Variants in ADAM18 observed in about 807,000 individuals in gnomAD.
ADAM18 encodes the protein ADAM metallopeptidase domain 18.
In ADAM18, 117 loss-of-function variants were observed where a neutral mutation model predicts 94.4. The observed-to-expected ratio is 1.24, with a 90% CI of 1.07 to 1.45. ADAM18 has a LOEUF of 1.45. Among genes scored for constraint, ADAM18 ranks in the 40% most tolerant of loss-of-function variants. ADAM18 has a pLI of 0.00. For missense variants in ADAM18, 936 were observed against 880.0 expected, an observed-to-expected ratio of 1.06 and a Z score of -0.81; for synonymous variants, 327 against 291.6, an observed-to-expected ratio of 1.12 and a Z score of -1.24.
intron 18 of ADAM18, among the ~76,000 whole-genome samples, chr8:39,710,428 T>C (rs1204222137): frequency 6.6e-6 from 1 of 152,144 alleles, no homozygotes; most frequent in East Asian, 1.9e-4. Flanking sequence ...AAATAATGAC[T>C]CCAAATTTTC....
chr8:39,708,438 C>G (rs914277859), intron 18 of ADAM18, among the ~76,000 whole-genome samples: 7 of 152,104 alleles, frequency 4.6e-5, no homozygotes, highest in African/African-American at 1.7e-4. Context: ...TGTTAAAAAA[C>G]AACTGTACCA....
At chr8:39,701,341 T>G (rs1240040866) in intron 17 of ADAM18, among the ~76,000 whole-genome samples, 2 of 151,846 alleles carry the variant, frequency 1.3e-5, no homozygotes, top group Non-Finnish European at 2.9e-5. Context: ...ATTTCCTAAT[T>G]TTCACTTTTT....
chr8:39,666,413 A>C (rs1820994347), intron 13 of ADAM18, among the ~76,000 whole-genome samples: 1 of 152,194 alleles, frequency 6.6e-6, no homozygotes. Flanking sequence ...AGGGTATGGA[A>C]TTCTAAGTTG....
intron 6 of ADAM18, among the ~76,000 whole-genome samples, chr8:39,613,887 A>G (rs1360876825): frequency 6.6e-6 from 1 of 152,230 alleles, no homozygotes; most frequent in African/African-American, 2.4e-5. Flanking sequence ...TTCAGAGCTC[A>G]AAAACTGTTT....
chr8:39,661,824 T>G (rs982971575), intron 12 of ADAM18, among the ~76,000 whole-genome samples: 10 of 152,042 alleles, frequency 6.6e-5, no homozygotes, highest in African/African-American at 2.4e-4. Context: ...AAACAGAGCT[T>G]CCATTTGTGA....
In ADAM18 at chr8:39,646,721, C is replaced by T. The variant is rs149531246; in HGVS notation, c.1046+1247C>T. ...GTTGTGCATCTATTAGACATTTCTCCTAGATATACTAGTGGAAATATACAT... is the reference window on the plus strand; with the variant it reads ...GTTGTGCATCTATTAGACATTTCTCTTAGATATACTAGTGGAAATATACAT... On this transcript the variant is annotated intron_variant, in intron 11 of 19. Coordinates refer to ENST00000265707, the MANE Select transcript of ADAM18 (RefSeq NM_014237.3). 4.1e-3 allele frequency among the ~76,000 whole-genome samples: 620 copies of T among 152,168 alleles called. 2 individuals carry two copies. Among genetic ancestry groups the T allele is most frequent in the Non-Finnish European group, 5.1e-3 (344 of 68,004 alleles).
intron 14 of ADAM18, among the ~76,000 whole-genome samples, chr8:39,674,335 A>T (rs1013058883): frequency 3.3e-5 from 5 of 152,100 alleles, no homozygotes; most frequent in African/African-American, 1.2e-4. Flanking sequence ...TATATTTAAG[A>T]TAGTTAGTTC....
At chr8:39,636,263 G>A (rs1820074394) in intron 7 of ADAM18, among the ~76,000 whole-genome samples, 1 of 151,996 alleles carries the variant, frequency 6.6e-6, no homozygotes, top group East Asian at 1.9e-4. Flanking sequence ...TGGGGTTATA[G>A]GCGTGAGTCA....
chr8:39,709,157 C>T (rs760852431), intron 18 of ADAM18, among the ~76,000 whole-genome samples: 1 of 152,056 alleles, frequency 6.6e-6, no homozygotes, highest in African/African-American at 2.4e-5. Context: ...ATGGTAAATG[C>T]AGGGGATTTT....
intron 5 of ADAM18, 134 bp from the exon 6 acceptor site, chr8:39,610,395 G>A (rs1262877144): frequency 1.7e-6 from 2 of 1,178,498 alleles, no homozygotes; most frequent in Non-Finnish European, 2.2e-6. Flanking sequence ...AAAAAATAAT[G>A]GAAAAAGAAA....
chr8:39,675,284 C>G (rs955983849), intron 14 of ADAM18, among the ~76,000 whole-genome samples: 1 of 152,200 alleles, frequency 6.6e-6, no homozygotes, highest in Non-Finnish European at 1.5e-5. Flanking sequence ...TTGGTCTTTT[C>G]ACATAGTCCC....
chr8:39,665,531 G>A (rs1016519929), intron 13 of ADAM18, among the ~76,000 whole-genome samples: 1 of 152,152 alleles, frequency 6.6e-6, no homozygotes, highest in Non-Finnish European at 1.5e-5. Context: ...GTCTTTCAAA[G>A]CAACTGTACT....
intron 17 of ADAM18, among the ~76,000 whole-genome samples, chr8:39,703,241 A>G (rs559287740): frequency 1.3e-5 from 2 of 152,136 alleles, no homozygotes; most frequent in South Asian, 2.1e-4. Context: ...TTTTTGTGGC[A>G]ATTGTGAATG....
chr8:39,593,427 C>T (rs749354083), intron 2 of ADAM18, among the ~76,000 whole-genome samples: 3 of 151,908 alleles, frequency 2.0e-5, no homozygotes, highest in Non-Finnish European at 4.4e-5. Flanking sequence ...AAAATAACCT[C>T]GAGTAGCCAA....
chr8:39,718,324 T>G (rs528056448), intron 18 of ADAM18, among the ~76,000 whole-genome samples: 1 of 151,612 alleles, frequency 6.6e-6, no homozygotes, highest in Admixed American at 6.6e-5. Context: ...TGTTCATCAA[T>G]AATGTGTGGG....
At chr8:39,615,250 A>G (rs2129578631) in intron 6 of ADAM18, among the ~76,000 whole-genome samples, 1 of 152,108 alleles carries the variant, frequency 6.6e-6, no homozygotes, top group Middle Eastern at 3.4e-3. Flanking sequence ...CATACGGACC[A>G]CACTTTTTGG....
chr8:39,586,761 T>TATC (rs942376955), intron 2 of ADAM18, among the ~76,000 whole-genome samples: 7 of 90,986 alleles, frequency 7.7e-5, no homozygotes, highest in Admixed American at 2.2e-4. Flanking sequence ...AAAAACTATC[T>TATC]ATCTATCTAT....
At chr8:39,624,453 T>A (rs1281025084) in intron 6 of ADAM18, among the ~76,000 whole-genome samples, 1 of 152,132 alleles carries the variant, frequency 6.6e-6, no homozygotes, top group Non-Finnish European at 1.5e-5. Context: ...TGAAGATCAG[T>A]TGGTGGTATT....
intron 11 of ADAM18, among the ~76,000 whole-genome samples, chr8:39,646,630 G>T (rs989020741): frequency 1.3e-5 from 2 of 152,122 alleles, no homozygotes; most frequent in Non-Finnish European, 2.9e-5. Flanking sequence ...GGAGTATTCA[G>T]CAACTGAGAA....
Sources: gnomAD v4.1 joint callset for allele counts (sites outside exome capture counted in the v4.1 genomes callset) on GRCh38, gnomAD v4.1.1 for gene constraint, MANE v1.5 for transcripts, NCBI Gene and HGNC (gene_info 2026-07-23, HGNC 2026-07-21) for gene names.